Variants in NTNG1 observed in about 807,000 individuals in gnomAD.
The protein encoded by NTNG1 is netrin-G1.
In NTNG1, 16 loss-of-function variants were observed where a neutral mutation model predicts 54.0. The ratio of observed to expected loss-of-function variants is 0.30; its 90% CI spans 0.20 to 0.45. The LOEUF (loss-of-function observed/expected upper bound fraction) is 0.45, where lower values mean the gene tolerates loss of function less well. NTNG1 is among the 20% of genes least tolerant of loss of function. NTNG1 has a pLI of 1.00. For missense variants in NTNG1, 530 were observed against 678.7 expected, an observed-to-expected ratio of 0.78 and a Z score of 2.43; for synonymous variants, 255 against 263.1, an observed-to-expected ratio of 0.97 and a Z score of 0.30.
At chr1:107,462,244 A>T (rs1413551211) in intron 7 of NTNG1, among the ~76,000 whole-genome samples, 1 of 152,236 alleles carries the variant, frequency 6.6e-6, no homozygotes, top group Non-Finnish European at 1.5e-5. Flanking sequence ...AAGTAATAGC[A>T]TTCACAGCAT....
intron 2 of NTNG1, among the ~76,000 whole-genome samples, chr1:107,182,141 G>T (rs1046917641): frequency 2.0e-5 from 3 of 152,036 alleles, no homozygotes; most frequent in Admixed American, 1.3e-4. Context: ...TTTGATAAAA[G>T]ATTTGAATGC....
chr1:107,461,675 A>G (rs1207907992), intron 7 of NTNG1, among the ~76,000 whole-genome samples: 1 of 151,928 alleles, frequency 6.6e-6, no homozygotes, highest in East Asian at 1.9e-4. Flanking sequence ...CTGGAACTAC[A>G]GGTGTGCACC....
At chr1:107,327,239 C>G (rs1160842916) in intron 3 of NTNG1, among the ~76,000 whole-genome samples, 1 of 152,114 alleles carries the variant, frequency 6.6e-6, no homozygotes, top group Non-Finnish European at 1.5e-5. Flanking sequence ...GCACTAGGCA[C>G]CAGATGGCTG....
intron 2 of NTNG1, among the ~76,000 whole-genome samples, chr1:107,311,288 A>T (rs1666997342): frequency 6.6e-6 from 1 of 152,190 alleles, no homozygotes; most frequent in African/African-American, 2.4e-5. Flanking sequence ...ACGCAGAAGG[A>T]TGCTGTGGAT....
At chr1:107,247,764 T>G (rs1243527898) in intron 2 of NTNG1, among the ~76,000 whole-genome samples, 1 of 152,184 alleles carries the variant, frequency 6.6e-6, no homozygotes, top group East Asian at 1.9e-4. Context: ...AAAACCAATA[T>G]CAATGTCAAG....
At position 107,300,308 on chromosome 1, in the gene NTNG1, G is replaced by A. The variant is rs547047801; in HGVS notation, c.247-23974G>A. The stretch of plus-strand genomic sequence containing the variant: ...AATCATGTTAATTTTTAAATACTGA[G>A]AGGTCACCTAAAATCTGGATTTTTG... On this transcript the variant is annotated intron_variant, in intron 2 of 7. Coordinates refer to ENST00000370068, the MANE Select transcript of NTNG1 (RefSeq NM_001113226.3). Among the ~76,000 whole-genome samples the A allele has an allele frequency of 8.5e-5, 13 of 152,290 alleles. No homozygotes were observed. The South Asian group carries it at 2.7e-3, about 32-fold the overall frequency.
intron 4 of NTNG1, among the ~76,000 whole-genome samples, chr1:107,400,597 T>A (rs959936068): frequency 6.6e-6 from 1 of 152,148 alleles, no homozygotes; most frequent in Non-Finnish European, 1.5e-5. Flanking sequence ...ATGTGAGAAA[T>A]TTAAGAATAG....
intron 2 of NTNG1, among the ~76,000 whole-genome samples, chr1:107,182,536 GAA>G (rs905675451): frequency 4.0e-5 from 6 of 151,846 alleles, no homozygotes; most frequent in Non-Finnish European, 5.9e-5. Flanking sequence ...ATAGATACAA[GAA>G]AAAAAATGAT....
intron 2 of NTNG1, among the ~76,000 whole-genome samples, chr1:107,189,307 G>A (rs1214489273): frequency 7.1e-6 from 1 of 140,080 alleles, no homozygotes; most frequent in East Asian, 2.2e-4. Flanking sequence ...ACCGAGATCA[G>A]GCCACTGCAC....
At chr1:107,376,834 T>G (rs114288607) in intron 3 of NTNG1, among the ~76,000 whole-genome samples, 1 of 152,274 alleles carries the variant, frequency 6.6e-6, no homozygotes, top group Non-Finnish European at 1.5e-5. Context: ...CCCCAGCACA[T>G]GCAAGTGTCC....
intron 2 of NTNG1, among the ~76,000 whole-genome samples, chr1:107,269,461 A>T (rs1370465005): frequency 2.6e-5 from 4 of 152,128 alleles, no homozygotes; most frequent in Non-Finnish European, 2.9e-5. Flanking sequence ...CTGCTTTCCG[A>T]TATACAATGT....
intron 2 of NTNG1, among the ~76,000 whole-genome samples, chr1:107,288,665 C>T (rs1665374167): frequency 6.6e-6 from 1 of 152,102 alleles, no homozygotes. Flanking sequence ...TTAGAAACTT[C>T]AGTTTTTATT....
intron 3 of NTNG1, among the ~76,000 whole-genome samples, chr1:107,343,425 C>T (rs1032985386): frequency 3.3e-5 from 5 of 152,068 alleles, no homozygotes; most frequent in Non-Finnish European, 7.4e-5. Flanking sequence ...GGATGAAGAT[C>T]TTCAAGCCCA....
chr1:107,246,316 G>C (rs1662197258), intron 2 of NTNG1, among the ~76,000 whole-genome samples: 1 of 151,780 alleles, frequency 6.6e-6, no homozygotes, highest in Non-Finnish European at 1.5e-5. Context: ...GCCTCCAAAA[G>C]TGCTGGGATT....
At chr1:107,306,742 C>T (rs1391362468) in intron 2 of NTNG1, among the ~76,000 whole-genome samples, 1 of 148,456 alleles carries the variant, frequency 6.7e-6, no homozygotes, top group Admixed American at 6.7e-5. Context: ...CAGAACAAGA[C>T]TCCATCGCAA....
At chr1:107,146,374 C>A (rs892122290) in intron 1 of NTNG1, among the ~76,000 whole-genome samples, 3 of 151,904 alleles carry the variant, frequency 2.0e-5, no homozygotes, top group Non-Finnish European at 4.4e-5. Context: ...AAATTCATCT[C>A]AAAAATGTAA....
intron 5 of NTNG1, among the ~76,000 whole-genome samples, chr1:107,415,964 G>A (rs1439624874): frequency 6.6e-6 from 1 of 152,174 alleles, no homozygotes; most frequent in African/African-American, 2.4e-5. Context: ...AAATTACTCA[G>A]AGAGTAATTG....
chr1:107,250,065 A>G (rs1662488733), intron 2 of NTNG1, among the ~76,000 whole-genome samples: 3 of 152,116 alleles, frequency 2.0e-5, no homozygotes, highest in Non-Finnish European at 2.9e-5. Flanking sequence ...TTATTTACCT[A>G]CATTTACCTA....
intron 2 of NTNG1, among the ~76,000 whole-genome samples, chr1:107,173,632 G>A (rs1656419844): frequency 6.6e-6 from 1 of 151,920 alleles, no homozygotes; most frequent in African/African-American, 2.4e-5. Context: ...TGAAAGGAGT[G>A]TGAGGTGTTT....
Sources: allele counts gnomAD v4.1 joint callset (sites outside exome capture counted in the v4.1 genomes callset), GRCh38; gene constraint gnomAD v4.1.1; transcripts MANE v1.5; gene names NCBI Gene and HGNC (gene_info 2026-07-23, HGNC 2026-07-21).